The following FAM107B variants were observed in gnomAD, a reference collection of about 807,000 sequenced individuals.
FAM107B encodes family with sequence similarity 107 member B.
In FAM107B, 21 loss-of-function variants were observed where a neutral mutation model predicts 31.5. The observed-to-expected ratio is 0.67, with a 90% CI of 0.47 to 0.96. The LOEUF is 0.96. Among genes scored for constraint, FAM107B ranks in the 40% least tolerant of loss-of-function variants. The probability of loss-of-function intolerance (pLI) is 0.00; values close to 1 mark genes in which losing one functional copy is unlikely to be tolerated. For missense variants in FAM107B, 452 were observed against 377.1 expected (o/e 1.20, Z -1.64); for synonymous variants, 157 against 141.5 (o/e 1.11, Z -0.78).
intron 2 of FAM107B, among the ~76,000 whole-genome samples, chr10:14,596,264 C>T (rs1852186058): frequency 6.6e-6 from 1 of 152,166 alleles, no homozygotes; most frequent in Admixed American, 6.5e-5. Context: ...GACTCCAGCC[C>T]CCTGAACTGA....
In FAM107B at chr10:14,774,684, A is replaced by G. The variant is rs1384862133; in HGVS notation, c.-21T>C. The G allele has an allele frequency of 5.0e-6, 8 of 1,602,546 alleles. No homozygotes were observed. The South Asian group carries it at 6.7e-5, about 14-fold the overall frequency. Reference sequence around the variant, plus strand: ...GACATGACTTGCAGTGAATCATTGCAAAGTTCAAACGGGGCAAGGAAATTT... The same window carrying G: ...GACATGACTTGCAGTGAATCATTGCGAAGTTCAAACGGGGCAAGGAAATTT... On this transcript the variant is annotated 5_prime_UTR_variant, in exon 1 of 5. Coordinates refer to ENST00000181796, the MANE Select transcript of FAM107B (RefSeq NM_031453.4).
chr10:14,655,150 C>T (rs1854011568), intron 2 of FAM107B, among the ~76,000 whole-genome samples: 1 of 152,134 alleles, frequency 6.6e-6, no homozygotes. Flanking sequence ...ACCGTCAGAT[C>T]TCATGGGAAA....
At chr10:14,747,521 T>C (rs777705061) in intron 1 of FAM107B, among the ~76,000 whole-genome samples, 58 of 152,202 alleles carry the variant, frequency 3.8e-4, no homozygotes, top group Non-Finnish European at 7.3e-4. Flanking sequence ...GCTTTCTGTT[T>C]GTTTTTCTTT....
intron 2 of FAM107B, chr10:14,548,708 G>A: frequency 1.0e-6 from 1 of 961,052 alleles, no homozygotes; most frequent in Non-Finnish European, 1.2e-6. Context: ...AGTGTCACAT[G>A]ACCACTCTAG....
chr10:14,601,999 G>A (rs1486424789), intron 2 of FAM107B, among the ~76,000 whole-genome samples: 8 of 152,156 alleles, frequency 5.3e-5, no homozygotes, highest in Non-Finnish European at 1.0e-4. Context: ...TCTCAGAAGC[G>A]CAAATCAAGT....
chr10:14,724,133 G>A, intron 1 of FAM107B: 1 of 526,924 alleles, frequency 1.9e-6, no homozygotes. Flanking sequence ...GCGCGGAAAG[G>A]CTGCATGTAT....
At chr10:14,610,648 C>G (rs565418034) in intron 2 of FAM107B, among the ~76,000 whole-genome samples, 1 of 152,282 alleles carries the variant, frequency 6.6e-6, no homozygotes. Flanking sequence ...AAAGAACATG[C>G]TAGAAACCAG....
chr10:14,559,118 C>A (rs4750530), intron 2 of FAM107B, among the ~76,000 whole-genome samples: 18,617 of 110,982 alleles, frequency 0.17, 1,608 homozygotes, highest in Non-Finnish European at 0.22. Flanking sequence ...AAAAAAAAAA[C>A]AAAAAAAAAA....
At chr10:14,632,299 T>C (rs571394487) in intron 2 of FAM107B, among the ~76,000 whole-genome samples, 8 of 76,780 alleles carry the variant, frequency 1.0e-4, no homozygotes, top group African/African-American at 3.7e-4. Context: ...AGCGAGACTC[T>C]GTCTCAAAAA....
intron 2 of FAM107B, among the ~76,000 whole-genome samples, chr10:14,563,584 G>A (rs1850420607): frequency 6.6e-6 from 1 of 152,178 alleles, no homozygotes; most frequent in South Asian, 2.1e-4. Context: ...TAATGTAACA[G>A]AGTAGGAAAG....
intron 1 of FAM107B, among the ~76,000 whole-genome samples, chr10:14,744,384 G>C (rs1310825639): frequency 3.3e-5 from 5 of 152,150 alleles, no homozygotes; most frequent in African/African-American, 9.7e-5. Flanking sequence ...CCAATACTAT[G>C]TTGAATAGGA....
intron 1 of FAM107B, among the ~76,000 whole-genome samples, chr10:14,681,271 A>G (rs1227805515): frequency 2.6e-5 from 4 of 152,204 alleles, no homozygotes; most frequent in Non-Finnish European, 5.9e-5. Context: ...TCCAGGTGAC[A>G]CTAGTACACA....
chr10:14,571,199 C>G (rs1851193110), intron 2 of FAM107B, among the ~76,000 whole-genome samples: 1 of 152,102 alleles, frequency 6.6e-6, no homozygotes, highest in Admixed American at 6.6e-5. Flanking sequence ...AAGCACTAAT[C>G]CCATTCTCAG....
intron 2 of FAM107B, among the ~76,000 whole-genome samples, chr10:14,568,078 G>T (rs61042355): frequency 0.019 from 2,930 of 152,316 alleles, 95 homozygotes; most frequent in African/African-American, 0.067. Flanking sequence ...AAACTTTCAA[G>T]GAACGAATGA....
intron 2 of FAM107B, among the ~76,000 whole-genome samples, chr10:14,583,593 G>A (rs553339843): frequency 2.0e-5 from 3 of 152,176 alleles, no homozygotes; most frequent in South Asian, 2.1e-4. Context: ...GGAAGTTGTG[G>A]CCAGACACAT....
intron 3 of FAM107B, chr10:14,527,999 CTT>C (rs57985098): frequency 0.13 from 38,209 of 302,690 alleles, 1,428 homozygotes; most frequent in Non-Finnish European, 0.15. Flanking sequence ...TCTGCCTTTT[CTT>C]TTTTTTTTTT....
chr10:14,659,136 T>G (rs960193480), intron 2 of FAM107B, among the ~76,000 whole-genome samples: 1 of 152,128 alleles, frequency 6.6e-6, no homozygotes, highest in African/African-American at 2.4e-5. Flanking sequence ...AGGCCTCCCA[T>G]GAACCCTCAA....
chr10:14,761,841 C>T (rs556592084), intron 1 of FAM107B, among the ~76,000 whole-genome samples: 4 of 152,186 alleles, frequency 2.6e-5, no homozygotes, highest in African/African-American at 4.8e-5. Flanking sequence ...TCAAGTGATC[C>T]GCCCACCTCA....
intron 1 of FAM107B, among the ~76,000 whole-genome samples, chr10:14,714,622 C>T (rs1855740350): frequency 1.3e-5 from 2 of 152,116 alleles, no homozygotes; most frequent in Admixed American, 1.3e-4. Context: ...CTTTAATCAA[C>T]ACCACCGCTC....
Sources: gnomAD v4.1 joint callset for allele counts (sites outside exome capture counted in the v4.1 genomes callset) on GRCh38, gnomAD v4.1.1 for gene constraint, MANE v1.5 for transcripts, NCBI Gene and HGNC (gene_info 2026-07-23, HGNC 2026-07-21) for gene names.